The following PTPN4 variants were observed in gnomAD, a reference collection of about 807,000 sequenced individuals.
The protein encoded by PTPN4 is tyrosine-protein phosphatase non-receptor type 4.
PTPN4 carries 49 observed loss-of-function variants against 135.5 expected under a neutral mutation model. The observed-to-expected ratio is 0.36, with a 90% CI of 0.29 to 0.46. The LOEUF is 0.46. PTPN4 is among the 20% of genes least tolerant of loss of function. PTPN4 has a pLI of 1.00. For synonymous variants in PTPN4, 333 were observed against 369.9 expected, an observed-to-expected ratio of 0.90 and a Z score of 1.14; for missense variants, 860 against 1,101.0, an observed-to-expected ratio of 0.78 and a Z score of 3.10.
In PTPN4 at chr2:119,767,775, G is replaced by A. The variant is rs551013836; in HGVS notation, c.-18+7391G>A. On this transcript the variant is annotated intron_variant, in intron 1 of 26. Coordinates refer to ENST00000263708, the MANE Select transcript of PTPN4 (RefSeq NM_002830.4). The stretch of plus-strand genomic sequence containing the variant: ...GCAGGAATGCCATAGAAATAATGTC[G>A]TGATATTCTTAGTACATCACTAAGA... Among the ~76,000 whole-genome samples, 13 of 152,318 alleles carry A rather than the reference G, an allele frequency of 8.5e-5. No individual in the cohort carries two copies. The South Asian group carries it at 2.3e-3, about 27-fold the overall frequency.
intron 2 of PTPN4, among the ~76,000 whole-genome samples, chr2:119,823,392 G>A (rs1328525374): frequency 3.3e-5 from 5 of 151,950 alleles, no homozygotes; most frequent in African/African-American, 1.2e-4. Context: ...CCGCCACCAC[G>A]CCCGGCTAAT....
rs376525667 is a variant in PTPN4 at position 119,885,857 on chromosome 2, A to G, written c.650A>G (p.Tyr217Cys). The G allele has an allele frequency of 2.5e-6, 4 of 1,602,880 alleles. No homozygotes were observed. The highest frequency in any genetic ancestry group is 2.6e-6 in the Non-Finnish European group (3 of 1,175,870). ...YLNTARTLEL[Y>C]GVEFHYARDQ... ...AACACAGCACGTACCTTAGAACTCT[A>G]TGGAGTTGAATTCCACTATGCAAGG... The change falls in exon 9 of 27, where the codon TAT becomes TGT. Residue 217 changes from tyrosine (Y) to cysteine (C), a missense_variant. Physicochemically the swap from Tyr to Cys is radical, Grantham distance 194. Transcript: ENST00000263708.
intron 1 of PTPN4, among the ~76,000 whole-genome samples, chr2:119,776,240 A>G (rs775381316): frequency 9.9e-5 from 15 of 152,116 alleles, no homozygotes; most frequent in African/African-American, 2.4e-4. Flanking sequence ...CAGTGGTGCA[A>G]TCTTGGCTCA....
At chr2:119,970,307 G>A (rs1041324666) in intron 26 of PTPN4, among the ~76,000 whole-genome samples, 3 of 151,968 alleles carry the variant, frequency 2.0e-5, no homozygotes, top group Non-Finnish European at 4.4e-5. Context: ...TGATCCACCC[G>A]CCTTGGCCTC....
At position 119,833,943 on chromosome 2, in the gene PTPN4, C is replaced by CCAAG. The variant is rs763307213; in HGVS notation, c.138+23953_138+23956dup. ...GTTCTGTATCTCACCTTATTTAGGC[C>CCAAG]CAAGGCCTGCACATTTTTCCACCTG... is the stretch of plus-strand genomic sequence containing the variant. On this transcript the variant is annotated intron_variant, in intron 2 of 26. Coordinates refer to ENST00000263708, the MANE Select transcript of PTPN4 (RefSeq NM_002830.4). 1.0e-3 allele frequency among the ~76,000 whole-genome samples: 158 copies of CCAAG among 152,124 alleles called. 3 individuals are homozygous for CCAAG. The highest frequency in any genetic ancestry group is 2.6e-4 in the Non-Finnish European group (18 of 68,018).
At chr2:119,826,429 G>A (rs1312444278) in intron 2 of PTPN4, among the ~76,000 whole-genome samples, 1 of 152,214 alleles carries the variant, frequency 6.6e-6, no homozygotes, top group Non-Finnish European at 1.5e-5. Context: ...TAAAGGAACT[G>A]TAAACTCTAA....
intron 24 of PTPN4, among the ~76,000 whole-genome samples, chr2:119,963,078 A>G (rs1243184959): frequency 6.6e-6 from 1 of 152,200 alleles, no homozygotes; most frequent in Non-Finnish European, 1.5e-5. Context: ...AAGTAGTATC[A>G]GTACAGTATT....
At chr2:119,826,361 C>A (rs1402429375) in intron 2 of PTPN4, among the ~76,000 whole-genome samples, 1 of 152,164 alleles carries the variant, frequency 6.6e-6, no homozygotes, top group Admixed American at 6.5e-5. Context: ...AGAAAATAAT[C>A]TGTACAAGGA....
At chr2:119,970,411 C>A (rs1170852271) in intron 26 of PTPN4, among the ~76,000 whole-genome samples, 2 of 151,734 alleles carry the variant, frequency 1.3e-5, no homozygotes, top group African/African-American at 4.8e-5. Context: ...CCCCAAAAAA[C>A]CCCAAGCTCA....
intron 3 of PTPN4, among the ~76,000 whole-genome samples, chr2:119,864,972 C>G (rs1677811880): frequency 6.6e-6 from 1 of 152,088 alleles, no homozygotes; most frequent in Non-Finnish European, 1.5e-5. Context: ...TAGCCTCACA[C>G]TCTAATTTTT....
At chr2:119,846,449 TC>T (rs1677500166) in intron 2 of PTPN4, among the ~76,000 whole-genome samples, 1 of 152,210 alleles carries the variant, frequency 6.6e-6, no homozygotes, top group Non-Finnish European at 1.5e-5. Context: ...GTATAGCTGT[TC>T]CACCTTCCTT....
chr2:119,809,538 T>C (rs1691539958), intron 1 of PTPN4, among the ~76,000 whole-genome samples: 1 of 152,098 alleles, frequency 6.6e-6, no homozygotes, highest in African/African-American at 2.4e-5. Context: ...CCCGCCCCTT[T>C]TGGCTACTCC....
intron 1 of PTPN4, among the ~76,000 whole-genome samples, chr2:119,807,375 T>TA (rs1430618835): frequency 2.0e-5 from 3 of 151,916 alleles, no homozygotes; most frequent in Non-Finnish European, 4.4e-5. Context: ...ATAGACGCAA[T>TA]AAAAAATCAT....
chr2:119,902,967 TC>T (rs1200829570), intron 10 of PTPN4, among the ~76,000 whole-genome samples: 1 of 152,074 alleles, frequency 6.6e-6, no homozygotes, highest in Non-Finnish European at 1.5e-5. Context: ...TCAGAATACA[TC>T]CTGCAGTGAG....
At chr2:119,833,514 A>G (rs1440532667) in intron 2 of PTPN4, among the ~76,000 whole-genome samples, 1 of 152,142 alleles carries the variant, frequency 6.6e-6, no homozygotes, top group African/African-American at 2.4e-5. Flanking sequence ...TGAAGTTTTA[A>G]AGGGATATAA....
At chr2:119,864,797 T>C (rs930793922) in intron 3 of PTPN4, among the ~76,000 whole-genome samples, 2 of 152,138 alleles carry the variant, frequency 1.3e-5, no homozygotes, top group Non-Finnish European at 2.9e-5. Context: ...ATCTTTTTGC[T>C]GTCTCCTACT....
chr2:119,843,160 A>T (rs1304944330), intron 2 of PTPN4, among the ~76,000 whole-genome samples: 1 of 150,696 alleles, frequency 6.6e-6, no homozygotes, highest in African/African-American at 2.4e-5. Flanking sequence ...TAAACTAAAT[A>T]TGGTGGATTA....
At chr2:119,845,540 T>C (rs1677484708) in intron 2 of PTPN4, among the ~76,000 whole-genome samples, 1 of 152,194 alleles carries the variant, frequency 6.6e-6, no homozygotes, top group Non-Finnish European at 1.5e-5. Flanking sequence ...CATCTCTTTT[T>C]TCCCCTTGTA....
Position 119,965,557 on chromosome 2 carries a change from C to T in PTPN4, c.2470C>T (p.Pro824Ser). 1.2e-6 allele frequency: 2 copies of T among 1,613,426 alleles called. No homozygotes were observed. The highest frequency in any genetic ancestry group is 1.7e-6 in the Non-Finnish European group (2 of 1,179,412). Reference protein sequence around the residue: ...QYIAWPDHGVPDDSSDFLDFV... With the variant: ...QYIAWPDHGVSDDSSDFLDFV... ...CATAGCCTGGCCTGACCATGGAGTC[C>T]CTGATGATTCGAGTGACTTTCTAGA... The change falls in exon 25 of 27, where the codon CCT (proline) becomes TCT (serine). Residue 824 changes from proline to serine, a missense_variant. Physicochemically the swap from Pro to Ser is moderately conservative, Grantham distance 74. Transcript: ENST00000263708.
Sources: gnomAD v4.1 joint callset for allele counts (sites outside exome capture counted in the v4.1 genomes callset) on GRCh38, gnomAD v4.1.1 for gene constraint, MANE v1.5 for transcripts, NCBI Gene and HGNC (gene_info 2026-07-23, HGNC 2026-07-21) for gene names.